The following TNIP1 variants were observed in gnomAD, a reference collection of about 807,000 sequenced individuals.
TNIP1 encodes the protein TNFAIP3 interacting protein 1, also known as TNFAIP3-interacting protein 1.
A neutral mutation model predicts 86.6 loss-of-function variants in TNIP1; 22 were observed. The ratio of observed to expected loss-of-function variants is 0.25; its 90% confidence interval spans 0.18 to 0.36. The LOEUF is 0.36. Among genes scored for constraint, TNIP1 ranks in the 10% least tolerant of loss-of-function variants. The pLI is 1.00. For synonymous variants in TNIP1, 294 were observed against 313.0 expected (o/e 0.94, Z 0.64); for missense variants, 709 against 820.6 (o/e 0.86, Z 1.66).
At chr5:151,067,120 C>A (rs1762326955) in intron 1 of TNIP1, among the ~76,000 whole-genome samples, 1 of 152,240 alleles carries the variant, frequency 6.6e-6, no homozygotes, top group South Asian at 2.1e-4. Flanking sequence ...ACTCCCATCA[C>A]AAGTCATCAC....
chr5:151,038,517 T>C (rs1462353788), intron 12 of TNIP1, among the ~76,000 whole-genome samples: 2 of 152,150 alleles, frequency 1.3e-5, no homozygotes, highest in Non-Finnish European at 2.9e-5. Flanking sequence ...AGAGGGTTTC[T>C]GGTTTCCTCA....
intron 3 of TNIP1, 79 bp from the exon 4 acceptor site, chr5:151,062,291 GACA>G: frequency 7.6e-7 from 1 of 1,319,816 alleles, no homozygotes; most frequent in Non-Finnish European, 1.1e-6. Flanking sequence ...GACAGCCCTT[GACA>G]AAAGGGTTCT....
In TNIP1 at chr5:151,030,658, C is replaced by A. The variant is rs2233311; in HGVS notation, c.*55G>T. 0.11 allele frequency: 180,284 copies of A among 1,612,796 alleles called. 10,469 individuals carry two copies. The highest frequency in any genetic ancestry group is 0.19 in the Middle Eastern group (1,148 of 6,060). On this transcript the variant is annotated 3_prime_UTR_variant, in exon 18 of 18. Transcript: ENST00000521591. ...AAGTGGCTTCTAGTTTCTTGGCAAT[C>A]TGAGATCAGCTGGCTCTGCAAGATG...
intron 8 of TNIP1, 99 bp from the exon 9 acceptor site, chr5:151,046,049 G>C: frequency 1.8e-6 from 2 of 1,095,988 alleles, no homozygotes; most frequent in Admixed American, 1.9e-5. Flanking sequence ...AGTGGCCCCA[G>C]CCCTCTGTCT....
intron 14 of TNIP1, among the ~76,000 whole-genome samples, chr5:151,035,351 C>A (rs375519103): frequency 6.6e-6 from 1 of 152,240 alleles, no homozygotes; most frequent in African/African-American, 2.4e-5. Flanking sequence ...GAGAGTAAAG[C>A]CCAGAACTGA....
intron 1 of TNIP1, among the ~76,000 whole-genome samples, chr5:151,067,872 A>C (rs973526120): frequency 2.6e-5 from 4 of 152,198 alleles, no homozygotes; most frequent in African/African-American, 9.6e-5. Context: ...ACACTTCTAG[A>C]ATCCAGGCTG....
chr5:151,033,845 A>C (rs2233305), intron 15 of TNIP1, 46 bp from the exon 16 acceptor site: 1,125,963 of 1,375,526 alleles, frequency 0.82, 463,715 homozygotes, highest in East Asian at 0.91. Flanking sequence ...ACAGGCTGCA[A>C]AGGACACCCA....
rs369660200 is a variant in TNIP1 at position 151,052,200 on chromosome 5, G to A, written c.687C>T (p.Gly229=). The A allele has an allele frequency of 1.9e-6, 3 of 1,613,890 alleles. No homozygotes were observed. Among genetic ancestry groups the A allele is most frequent in the Non-Finnish European group, 2.5e-6 (3 of 1,180,000 alleles). ...NEALKAKLDK[G]LEQRDQAAER... ...CGGCAGCCTGATCCCGCTGTTCCAG[G>A]CCCTTATCCAACTTGGCCTTCAGAG... The change falls in exon 7 of 18, where the codon GGC becomes GGT. Residue 229 remains glycine (G), a synonymous_variant. Coordinates refer to ENST00000521591, the MANE Select transcript of TNIP1 (RefSeq NM_006058.5).
upstream of TNIP1, among the ~76,000 whole-genome samples, chr5:151,083,476 C>G (rs185195944): frequency 6.6e-6 from 1 of 152,180 alleles, no homozygotes; most frequent in African/African-American, 2.4e-5. Flanking sequence ...GGCCCCCTAG[C>G]CTGGCACTGC....
chr5:151,043,323 C>T lies in TNIP1; in HGVS notation c.937-362G>A, dbSNP rs114717194. ...ATAATTCCACTCTGAAGAATTTAAC[C>T]AATAGAAACACTTACACAAGTGTGC... On this transcript the variant is annotated intron_variant, in intron 9 of 17. Transcript: ENST00000521591. Among the ~76,000 whole-genome samples the T allele has an allele frequency of 3.0e-3, 461 of 152,164 alleles. 2 individuals are homozygous for T. The highest frequency in any genetic ancestry group is 0.01 in the African/African-American group (435 of 41,502).
At chr5:151,067,921 C>T (rs990756575) in intron 1 of TNIP1, among the ~76,000 whole-genome samples, 2 of 152,160 alleles carry the variant, frequency 1.3e-5, no homozygotes. Context: ...AGATGTAAGG[C>T]GAAGGGACAA....
At chr5:151,037,867 G>A (rs552177254) in intron 12 of TNIP1, among the ~76,000 whole-genome samples, 5 of 152,220 alleles carry the variant, frequency 3.3e-5, no homozygotes, top group Non-Finnish European at 7.3e-5. Flanking sequence ...AGTAAATTCA[G>A]GATGCTCCGA....
intron 17 of TNIP1, 113 bp downstream of exon 17, chr5:151,032,159 TTTGGAAAGCTGGGCC>T: frequency 1.3e-6 from 1 of 748,868 alleles, no homozygotes; most frequent in Non-Finnish European, 2.2e-6. Context: ...TCAACACTGT[TTTGGAAAGCTGGGCC>T]TCTCCTCCAC....
intron 5 of TNIP1, among the ~76,000 whole-genome samples, chr5:151,057,190 C>G (rs952338816): frequency 1.3e-5 from 2 of 152,234 alleles, no homozygotes; most frequent in Non-Finnish European, 2.9e-5. Context: ...CACCATCCTC[C>G]CACACACTGG....
At chr5:151,077,539 G>A (rs375010368) in intron 1 of TNIP1, among the ~76,000 whole-genome samples, 31 of 152,168 alleles carry the variant, frequency 2.0e-4, no homozygotes, top group African/African-American at 4.3e-4. Flanking sequence ...TAGCATTGAC[G>A]TCATACAGAG....
chr5:151,044,562 T>C (rs943621856), intron 9 of TNIP1, among the ~76,000 whole-genome samples: 1 of 152,096 alleles, frequency 6.6e-6, no homozygotes, highest in African/African-American at 2.4e-5. Flanking sequence ...AAAAAGACGC[T>C]TATAACAATA....
intron 1 of TNIP1, among the ~76,000 whole-genome samples, chr5:151,070,640 C>T (rs1390824482): frequency 6.6e-6 from 1 of 152,204 alleles, no homozygotes; most frequent in East Asian, 1.9e-4. Flanking sequence ...AGGGCAATAT[C>T]CTGCAATTCC....
upstream of TNIP1, among the ~76,000 whole-genome samples, chr5:151,084,304 G>C (rs188282197): frequency 3.3e-5 from 5 of 152,122 alleles, no homozygotes; most frequent in Non-Finnish European, 1.5e-5. Flanking sequence ...TATTAGCCAG[G>C]TGTGGTGGTG....
chr5:151,075,261 G>A (rs1020053829), intron 1 of TNIP1, among the ~76,000 whole-genome samples: 2 of 152,214 alleles, frequency 1.3e-5, no homozygotes, highest in African/African-American at 4.8e-5. Flanking sequence ...AACCAGATGA[G>A]TGAGCATGTA....
Sources: allele counts gnomAD v4.1 joint callset (sites outside exome capture counted in the v4.1 genomes callset), GRCh38; gene constraint gnomAD v4.1.1; transcripts MANE v1.5; gene names NCBI Gene and HGNC (gene_info 2026-07-23, HGNC 2026-07-21).